The following HOXA3 variants were observed in gnomAD, a reference collection of about 807,000 sequenced individuals.
HOXA3 encodes homeobox A3.
Under a neutral mutation model 30.3 loss-of-function variants are expected in HOXA3, and 8 were observed. The observed-to-expected ratio is 0.26, with a 90% CI of 0.15 to 0.48. The LOEUF (loss-of-function observed/expected upper bound fraction) is 0.48, where lower values mean the gene tolerates loss of function less well. Among genes scored for constraint, HOXA3 ranks in the 20% least tolerant of loss-of-function variants. The pLI is 0.99. For synonymous variants in HOXA3, 323 were observed against 273.1 expected (o/e 1.18, Z -1.80); for missense variants, 653 against 614.4 (o/e 1.06, Z -0.66).
intron 4 of HOXA3, among the ~76,000 whole-genome samples, chr7:27,118,236 C>G (rs1049429737): frequency 6.6e-6 from 1 of 152,152 alleles, no homozygotes; most frequent in Non-Finnish European, 1.5e-5. Flanking sequence ...AAACTGCAAT[C>G]GGCTCAGAGA....
At chr7:27,145,601 G>A (rs1782729371) in intron 1 of HOXA3, 2 of 1,570,804 alleles carry the variant, frequency 1.3e-6, no homozygotes, top group Admixed American at 1.7e-5. Flanking sequence ...AACAGGCGAG[G>A]GCAAGGGGGC....
At chr7:27,148,612 C>T (rs1378525132) in intron 1 of HOXA3, among the ~76,000 whole-genome samples, 6 of 152,234 alleles carry the variant, frequency 3.9e-5, no homozygotes, top group Non-Finnish European at 7.3e-5. Flanking sequence ...TCCAGCTGGG[C>T]GTCCCCATCC....
rs148653911 is a variant in HOXA3 at position 27,130,656 on chromosome 7, G to C, written c.-389-3586C>G. On this transcript the variant is annotated intron_variant, in intron 2 of 5. Transcript: ENST00000612286. ...CGCCGTCTGCGCCGCCCGAGCCGCTGTGCTGCGCGTACTCCTCGAAGGGAG... is the reference window on the plus strand; with the variant it reads ...CGCCGTCTGCGCCGCCCGAGCCGCTCTGCTGCGCGTACTCCTCGAAGGGAG... 1.9e-5 allele frequency: 31 copies of C among 1,605,062 alleles called. No individual in the cohort carries two copies. In the African/African-American group the frequency reaches 3.3e-4, roughly 17 times the overall value.
intron 4 of HOXA3, chr7:27,116,236 G>A (rs1310583262): frequency 6.5e-6 from 1 of 152,686 alleles, no homozygotes; most frequent in African/African-American, 2.4e-5. Context: ...AAGAATACTT[G>A]GAGCAGCAAA....
At chr7:27,135,319 T>C (rs1785678643) in intron 2 of HOXA3, among the ~76,000 whole-genome samples, 1 of 152,188 alleles carries the variant, frequency 6.6e-6, no homozygotes. Flanking sequence ...AGTCTAGTTA[T>C]TCACTTATAG....
At position 27,110,111 on chromosome 7, in the gene HOXA3, T is replaced by C. The variant is rs1784275893; in HGVS notation, c.526+4A>G. The C allele has an allele frequency of 6.2e-7, 1 of 1,614,202 alleles. No homozygotes were observed. Among genetic ancestry groups the C allele is most frequent in the African/African-American group, 1.3e-5 (1 of 75,040 alleles). ...GGACCCTCTTCCAGAAGGCACTCCT[T>C]TACCTGAGCTGGAGCTGCTGGTTTT... On this transcript the variant is annotated splice_donor_region_variant and intron_variant, in intron 5 of 5. Coordinates refer to ENST00000612286, the MANE Select transcript of HOXA3 (RefSeq NM_153631.3).
Position 27,152,345 on chromosome 7 carries a change from C to A in HOXA3, c.-551G>T. 2 of 1,246,354 alleles carry A rather than the reference C, an allele frequency of 1.6e-6. No homozygotes were observed. Among genetic ancestry groups the A allele is most frequent in the Non-Finnish European group, 2.1e-6 (2 of 969,616 alleles). The allele number at this position is 1,246,354 out of a possible 1,614,324, so 77.2% of individuals were successfully genotyped here. ...CTCTGACAGCTGTCGCTTGGGCAGC[C>A]CGAGAGAAGAATTGTCCTCTTTCCT... is the stretch of plus-strand genomic sequence containing the variant. On this transcript the variant is annotated 5_prime_UTR_variant, in exon 1 of 6. Transcript: ENST00000612286.
rs2285723 is a variant in HOXA3 at position 27,116,853 on chromosome 7, T to C, written c.-121+5706A>G. Among the ~76,000 whole-genome samples the C allele has an allele frequency of 2.7e-3, 404 of 152,324 alleles. 8 individuals carry two copies. In the East Asian group the frequency reaches 0.056, roughly 21 times the overall value. On this transcript the variant is annotated intron_variant, in intron 4 of 5. Transcript: ENST00000612286. ...ACTTGAAAGGGCCTCAGTTAAACACTTGGTTACTGCCGAGGCCGGCACTGG... is the reference window on the plus strand; with the variant it reads ...ACTTGAAAGGGCCTCAGTTAAACACCTGGTTACTGCCGAGGCCGGCACTGG...
At chr7:27,141,778 G>A in intron 1 of HOXA3, 1 of 1,582,198 alleles carries the variant, frequency 6.3e-7, no homozygotes, top group Non-Finnish European at 8.6e-7. Context: ...AGTCACCTTA[G>A]TACTGACACT....
chr7:27,117,895 C>G (rs561935458), intron 4 of HOXA3, among the ~76,000 whole-genome samples: 139 of 152,318 alleles, frequency 9.1e-4, no homozygotes, highest in South Asian at 1.4e-3. Context: ...CAAAGCCACC[C>G]TTGCACTGGG....
chr7:27,112,034 T>C (rs985526943), intron 4 of HOXA3, among the ~76,000 whole-genome samples: 1 of 152,236 alleles, frequency 6.6e-6, no homozygotes, highest in Non-Finnish European at 1.5e-5. Flanking sequence ...CCTGAAAATC[T>C]AAAAAGCAGT....
chr7:27,148,062 C>T (rs955504315), intron 1 of HOXA3, among the ~76,000 whole-genome samples: 1 of 152,276 alleles, frequency 6.6e-6, no homozygotes, highest in African/African-American at 2.4e-5. Context: ...GGGCACGGCC[C>T]TTTCAGTGGC....
Position 27,122,613 on chromosome 7 carries a change from G to A in HOXA3, c.-175C>T, listed in dbSNP as rs1785075370. On this transcript the variant is annotated 5_prime_UTR_variant, in exon 4 of 6. Coordinates refer to ENST00000612286, the MANE Select transcript of HOXA3 (RefSeq NM_153631.3). ...AATTGTCTCCAACTCCAGGCGCTCA[G>A]GGAATCGCCTTTTCCGGTGTCCAGG... 1 of 152,226 alleles carries A rather than the reference G, an allele frequency of 6.6e-6. No homozygotes were observed. The highest frequency in any genetic ancestry group is 6.5e-5 in the Admixed American group (1 of 15,282). 9.4% of individuals were successfully genotyped at this position (152,226 alleles called of 1,614,324 possible). A position where few individuals can be genotyped will look rare whatever the true frequency, so the allele number is the denominator to read the frequency against.
At chr7:27,138,247 C>T (rs1427120757) in intron 2 of HOXA3, among the ~76,000 whole-genome samples, 1 of 152,188 alleles carries the variant, frequency 6.6e-6, no homozygotes, top group South Asian at 2.1e-4. Context: ...CACCTTGCCA[C>T]TATTCATGAG....
intron 2 of HOXA3, among the ~76,000 whole-genome samples, chr7:27,139,716 C>T (rs753596338): frequency 6.6e-6 from 1 of 152,184 alleles, no homozygotes; most frequent in East Asian, 1.9e-4. Context: ...CTGGCCCCGG[C>T]CGGCCCAGCA....
chr7:27,110,711 GC>G lies in HOXA3; in HGVS notation c.-72del, dbSNP rs1315118074. ...CACCCGTGAGGGCGCACATTGGCACGCCCCCGCGGTCACGTGACACTCCGCC... is the reference window on the plus strand; with the variant it reads ...CACCCGTGAGGGCGCACATTGGCACGCCCCGCGGTCACGTGACACTCCGCC... On this transcript the variant is annotated 5_prime_UTR_variant, in exon 5 of 6. Coordinates refer to ENST00000612286, the MANE Select transcript of HOXA3 (RefSeq NM_153631.3). 6.3e-6 allele frequency: 10 copies of G among 1,577,900 alleles called. No homozygotes were observed. Among genetic ancestry groups the G allele is most frequent in the African/African-American group, 4.0e-5 (3 of 74,392 alleles).
chr7:27,115,440 C>T (rs1784663878), intron 4 of HOXA3: 1 of 152,194 alleles, frequency 6.6e-6, no homozygotes, highest in Non-Finnish European at 1.5e-5. Context: ...TCTTCAAACC[C>T]GCCCGGTCGG....
At chr7:27,114,834 A>G (rs1048909770) in intron 4 of HOXA3, among the ~76,000 whole-genome samples, 1 of 93,676 alleles carries the variant, frequency 1.1e-5, no homozygotes, top group African/African-American at 3.9e-5. Flanking sequence ...TATAATATAT[A>G]TTATATATAT....
chr7:27,137,066 G>A (rs1785738007), intron 2 of HOXA3, among the ~76,000 whole-genome samples: 1 of 152,198 alleles, frequency 6.6e-6, no homozygotes, highest in Non-Finnish European at 1.5e-5. Flanking sequence ...AGGCTGAGAA[G>A]GGCATCTTTT....
Sources: gnomAD v4.1 joint callset for allele counts (sites outside exome capture counted in the v4.1 genomes callset) on GRCh38, gnomAD v4.1.1 for gene constraint, MANE v1.5 for transcripts, NCBI Gene and HGNC (gene_info 2026-07-23, HGNC 2026-07-21) for gene names.